The following NKAIN2 variants were observed in gnomAD, a reference collection of about 807,000 sequenced individuals.
NKAIN2 encodes sodium/potassium-transporting ATPase subunit beta-1-interacting protein 2.
NKAIN2 carries 14 observed loss-of-function variants against 32.6 expected under a neutral mutation model. The observed-to-expected ratio is 0.43, with a 90% CI of 0.28 to 0.67. The LOEUF (loss-of-function observed/expected upper bound fraction) is 0.67. Among genes scored for constraint, NKAIN2 ranks in the 30% least tolerant of loss-of-function variants. NKAIN2 has a pLI of 0.17. For synonymous variants in NKAIN2, 80 were observed against 87.2 expected (o/e 0.92, Z 0.46); for missense variants, 198 against 258.3 (o/e 0.77, Z 1.60).
chr6:124,634,643 G>T (rs936058057), intron 3 of NKAIN2, among the ~76,000 whole-genome samples: 2 of 151,942 alleles, frequency 1.3e-5, no homozygotes, highest in Non-Finnish European at 2.9e-5. Flanking sequence ...AAAAATAAAA[G>T]ATTGGAAAAG....
intron 1 of NKAIN2, among the ~76,000 whole-genome samples, chr6:123,961,039 C>T (rs1187921607): frequency 6.6e-6 from 1 of 152,124 alleles, no homozygotes; most frequent in African/African-American, 2.4e-5. Flanking sequence ...AAGGCAACTA[C>T]TGTGACAGAT....
intron 3 of NKAIN2, among the ~76,000 whole-genome samples, chr6:124,383,259 C>G (rs2114381672): frequency 6.6e-6 from 1 of 152,260 alleles, no homozygotes; most frequent in East Asian, 1.9e-4. Context: ...CAACTCTTGG[C>G]TGACCCACAG....
At chr6:124,128,382 T>C (rs1786290584) in intron 1 of NKAIN2, among the ~76,000 whole-genome samples, 1 of 152,254 alleles carries the variant, frequency 6.6e-6, no homozygotes, top group South Asian at 2.1e-4. Context: ...TATTTGAATT[T>C]AAATCTAAAT....
intron 1 of NKAIN2, among the ~76,000 whole-genome samples, chr6:124,261,910 C>A (rs1562457545): frequency 6.6e-6 from 1 of 151,664 alleles, no homozygotes. Context: ...CCTTAATATC[C>A]ATGCTTTGTT....
chr6:124,429,810 C>T (rs1453601155), intron 3 of NKAIN2, among the ~76,000 whole-genome samples: 1 of 152,152 alleles, frequency 6.6e-6, no homozygotes, highest in Non-Finnish European at 1.5e-5. Flanking sequence ...GCTGCCAGGT[C>T]TTTTCACGTC....
At chr6:123,965,799 A>G (rs1264918711) in intron 1 of NKAIN2, among the ~76,000 whole-genome samples, 1 of 152,172 alleles carries the variant, frequency 6.6e-6, no homozygotes, top group Non-Finnish European at 1.5e-5. Flanking sequence ...CTTTGAATTC[A>G]CAACTTAATT....
intron 1 of NKAIN2, among the ~76,000 whole-genome samples, chr6:124,270,111 T>G (rs922823281): frequency 1.3e-5 from 2 of 152,156 alleles, no homozygotes; most frequent in East Asian, 3.9e-4. Flanking sequence ...TGACATCTCC[T>G]TCTCCTGATG....
chr6:124,261,836 C>T (rs1562457422), intron 1 of NKAIN2, among the ~76,000 whole-genome samples: 1 of 149,040 alleles, frequency 6.7e-6, no homozygotes, highest in Admixed American at 6.8e-5. Context: ...ACAATCCAGC[C>T]TGGGTGAAAG....
chr6:124,202,510 G>T (rs992251569), intron 1 of NKAIN2, among the ~76,000 whole-genome samples: 11 of 151,930 alleles, frequency 7.2e-5, no homozygotes, highest in African/African-American at 1.7e-4. Context: ...TGAGGGAATT[G>T]CATTTCAGTA....
chr6:124,778,979 T>G (rs571741166), intron 4 of NKAIN2, among the ~76,000 whole-genome samples: 6 of 152,046 alleles, frequency 3.9e-5, no homozygotes, highest in African/African-American at 1.4e-4. Flanking sequence ...TAGTTATGAT[T>G]TTTTTATCTT....
At chr6:124,753,813 C>T (rs1200315568) in intron 4 of NKAIN2, among the ~76,000 whole-genome samples, 1 of 151,816 alleles carries the variant, frequency 6.6e-6, no homozygotes, top group African/African-American at 2.4e-5. Context: ...AAATTAAGCA[C>T]AGAAAAATTC....
chr6:124,324,244 G>A (rs1042870764), intron 2 of NKAIN2, among the ~76,000 whole-genome samples: 23 of 152,084 alleles, frequency 1.5e-4, no homozygotes, highest in African/African-American at 5.6e-4. Flanking sequence ...CATGAACATG[G>A]TATGTCTCTT....
At chr6:124,178,673 A>G (rs1305601776) in intron 1 of NKAIN2, among the ~76,000 whole-genome samples, 2 of 152,200 alleles carry the variant, frequency 1.3e-5, no homozygotes, top group African/African-American at 4.8e-5. Context: ...CATGTGATGC[A>G]TGAGGAAACT....
At chr6:123,853,724 T>C in intron 1 of NKAIN2, among the ~76,000 whole-genome samples, 1 of 151,848 alleles carries the variant, frequency 6.6e-6, no homozygotes, top group East Asian at 1.9e-4. Flanking sequence ...ATGTGATTTC[T>C]AATATTTATC....
chr6:124,021,205 A>G (rs1451916629), intron 1 of NKAIN2, among the ~76,000 whole-genome samples: 1 of 151,672 alleles, frequency 6.6e-6, no homozygotes, highest in Non-Finnish European at 1.5e-5. Flanking sequence ...ACACATTTAA[A>G]AAGTTTGATT....
intron 3 of NKAIN2, among the ~76,000 whole-genome samples, chr6:124,602,224 T>C (rs1185519229): frequency 3.9e-5 from 6 of 152,026 alleles, no homozygotes; most frequent in African/African-American, 4.8e-5. Context: ...ACAGAGCTTC[T>C]ATCAGTCCAG....
At chr6:123,807,265 A>G (rs1366758855) in intron 1 of NKAIN2, among the ~76,000 whole-genome samples, 2 of 152,116 alleles carry the variant, frequency 1.3e-5, no homozygotes, top group African/African-American at 2.4e-5. Context: ...CATATATATC[A>G]TAAATTAAAA....
intron 3 of NKAIN2, among the ~76,000 whole-genome samples, chr6:124,362,368 G>T (rs1055594078): frequency 3.9e-5 from 6 of 152,062 alleles, no homozygotes; most frequent in African/African-American, 1.4e-4. Flanking sequence ...GAACCAACCA[G>T]TTGGAATTTG....
intron 3 of NKAIN2, among the ~76,000 whole-genome samples, chr6:124,509,269 C>T (rs1234172451): frequency 6.6e-6 from 1 of 152,078 alleles, no homozygotes; most frequent in Non-Finnish European, 1.5e-5. Context: ...ATGCCATTAT[C>T]AATAGGACTT....
Sources: gnomAD v4.1 joint callset for allele counts (sites outside exome capture counted in the v4.1 genomes callset) on GRCh38, gnomAD v4.1.1 for gene constraint, MANE v1.5 for transcripts, NCBI Gene and HGNC (gene_info 2026-07-23, HGNC 2026-07-21) for gene names.